Variants in DLC1 observed in about 807,000 individuals in gnomAD.
The protein encoded by DLC1 is rho GTPase-activating protein 7.
DLC1 carries 54 observed loss-of-function variants against 140.3 expected under a neutral mutation model. The ratio of observed to expected loss-of-function variants is 0.38; its 90% CI spans 0.31 to 0.48. The LOEUF (loss-of-function observed/expected upper bound fraction) is 0.48. Ranked by LOEUF, DLC1 falls within the 20% of genes least tolerant of loss-of-function variation. The pLI is 0.96. For missense variants in DLC1, 2,536 were observed against 1,907.0 expected (o/e 1.33, Z -6.14); for synonymous variants, 986 against 728.1 (o/e 1.35, Z -5.70).
intron 5 of DLC1, among the ~76,000 whole-genome samples, chr8:13,298,644 A>G (rs975566492): frequency 3.9e-5 from 6 of 152,226 alleles, no homozygotes; most frequent in Non-Finnish European, 5.9e-5. Flanking sequence ...GGAGCACAGA[A>G]TAAGCTCTAA....
chr8:13,137,789 G>A (rs1328446039), intron 5 of DLC1, among the ~76,000 whole-genome samples: 1 of 151,360 alleles, frequency 6.6e-6, no homozygotes. Flanking sequence ...GAAGCAATGG[G>A]GTTTCACCAC....
chr8:13,439,821 G>T (rs146889970), intron 2 of DLC1, among the ~76,000 whole-genome samples: 5 of 152,194 alleles, frequency 3.3e-5, no homozygotes, highest in Non-Finnish European at 7.4e-5. Context: ...CCATAGGAAA[G>T]AATGGCTTCC....
At chr8:13,566,948 TAA>T in intron 1 of DLC1, 1 of 1,496,902 alleles carries the variant, frequency 6.7e-7, no homozygotes, top group South Asian at 1.4e-5. Context: ...GAGCCAGTCT[TAA>T]CCTGGGCAAA....
At chr8:13,370,398 C>T (rs756465111) in intron 4 of DLC1, among the ~76,000 whole-genome samples, 2 of 152,100 alleles carry the variant, frequency 1.3e-5, no homozygotes, top group Non-Finnish European at 2.9e-5. Flanking sequence ...TGGTGCTCCC[C>T]GTTGTTTTCT....
Position 13,280,041 on chromosome 8 carries a change from A to T in DLC1, c.1348+25228T>A, listed in dbSNP as rs542083988. On this transcript the variant is annotated intron_variant, in intron 5 of 17. Transcript: ENST00000276297. ...ACACCTGTAATCCCAGCACTTTGGG[A>T]GGCCGAGGTGCATGGATCATGAGGT... is the stretch of plus-strand genomic sequence containing the variant. 4.6e-5 allele frequency among the ~76,000 whole-genome samples: 7 copies of T among 151,828 alleles called. No individual in the cohort carries two copies. In the East Asian group the frequency reaches 9.7e-4, roughly 21 times the overall value.
At chr8:13,197,832 C>T (rs1827158531) in intron 5 of DLC1, among the ~76,000 whole-genome samples, 1 of 152,064 alleles carries the variant, frequency 6.6e-6, no homozygotes, top group Admixed American at 6.6e-5. Flanking sequence ...ACTTCAGGAA[C>T]AGCCAAAATA....
intron 5 of DLC1, among the ~76,000 whole-genome samples, chr8:13,204,854 G>A (rs6995936): frequency 0.19 from 28,848 of 152,142 alleles, 3,131 homozygotes; most frequent in East Asian, 0.35. Flanking sequence ...CTTGTGGTCA[G>A]ATTCCTGCAT....
intron 1 of DLC1, among the ~76,000 whole-genome samples, chr8:13,604,316 T>G (rs541116991): frequency 6.6e-6 from 1 of 152,170 alleles, no homozygotes; most frequent in Non-Finnish European, 1.5e-5. Flanking sequence ...TGGATGAATA[T>G]AGTTTCAATC....
chr8:13,398,047 C>G (rs1251459297), intron 3 of DLC1, among the ~76,000 whole-genome samples: 1 of 151,926 alleles, frequency 6.6e-6, no homozygotes, highest in Non-Finnish European at 1.5e-5. Context: ...AGGAGAATTG[C>G]TTGAACCAGG....
At chr8:13,141,187 G>A (rs893061926) in intron 5 of DLC1, among the ~76,000 whole-genome samples, 1 of 148,550 alleles carries the variant, frequency 6.7e-6, no homozygotes, top group African/African-American at 2.5e-5. Context: ...TCTGGGAGGT[G>A]GAGTTTGCGG....
At chr8:13,236,814 T>G (rs768984372) in intron 5 of DLC1, among the ~76,000 whole-genome samples, 1 of 152,080 alleles carries the variant, frequency 6.6e-6, no homozygotes. Context: ...AAAGGGTGAA[T>G]TTGCTACTTG....
intron 5 of DLC1, among the ~76,000 whole-genome samples, chr8:13,258,014 G>A (rs1161594656): frequency 6.6e-6 from 1 of 152,202 alleles, no homozygotes; most frequent in Non-Finnish European, 1.5e-5. Context: ...CTTCTCCAAG[G>A]CTATAAAGTA....
intron 14 of DLC1, 70 bp from the exon 15 acceptor site, chr8:13,090,540 A>G: frequency 6.4e-7 from 1 of 1,558,430 alleles, no homozygotes; most frequent in Non-Finnish European, 8.7e-7. Context: ...CATCAGTGGA[A>G]AAGACTGGGT....
intron 5 of DLC1, among the ~76,000 whole-genome samples, chr8:13,122,072 C>T (rs993912544): frequency 1.3e-5 from 2 of 152,088 alleles, no homozygotes. Flanking sequence ...CTCTGATAAG[C>T]CTCACCCCTC....
At chr8:13,350,877 A>T (rs1247426217) in intron 4 of DLC1, among the ~76,000 whole-genome samples, 1 of 152,196 alleles carries the variant, frequency 6.6e-6, no homozygotes, top group Non-Finnish European at 1.5e-5. Context: ...GTTTTCAAGT[A>T]TAATACTCAT....
upstream of DLC1, chr8:13,514,988 A>G: frequency 4.5e-6 from 1 of 220,064 alleles, no homozygotes; most frequent in East Asian, 9.2e-5. Context: ...TGGGCGTTTT[A>G]GGAGTTCTGA....
intron 5 of DLC1, among the ~76,000 whole-genome samples, chr8:13,157,948 G>T (rs1174344932): frequency 3.3e-5 from 5 of 152,214 alleles, no homozygotes; most frequent in African/African-American, 1.2e-4. Flanking sequence ...CTAGTTTACA[G>T]TAGTAGAATT....
At chr8:13,262,389 A>ATT (rs879831802) in intron 5 of DLC1, among the ~76,000 whole-genome samples, 1 of 146,734 alleles carries the variant, frequency 6.8e-6, no homozygotes, top group Non-Finnish European at 1.5e-5. Context: ...AAAACTCTCA[A>ATT]TTTTTTTTTT....
At chr8:13,105,761 T>A (rs1336682555) in intron 7 of DLC1, among the ~76,000 whole-genome samples, 6 of 151,996 alleles carry the variant, frequency 3.9e-5, no homozygotes, top group African/African-American at 1.5e-4. Flanking sequence ...GTATTTTTAG[T>A]AGAAGTGGGG....
Sources: gnomAD v4.1 joint callset for allele counts (sites outside exome capture counted in the v4.1 genomes callset) on GRCh38, gnomAD v4.1.1 for gene constraint, MANE v1.5 for transcripts, NCBI Gene and HGNC (gene_info 2026-07-23, HGNC 2026-07-21) for gene names.